ATP10B: variants seen among roughly 807,000 people sequenced by gnomAD.
ATP10B encodes ATPase phospholipid transporting 10B (putative), also known as phospholipid-transporting ATPase VB.
Under a neutral mutation model 141.2 loss-of-function variants are expected in ATP10B, and 122 were observed. The ratio of observed to expected loss-of-function variants is 0.86; its 90% CI spans 0.75 to 1.00. The LOEUF (loss-of-function observed/expected upper bound fraction) is 1.00, where lower values mean the gene tolerates loss of function less well. ATP10B is among the 50% of genes least tolerant of loss of function. ATP10B has a pLI of 0.00. For missense variants in ATP10B, 1,876 were observed against 1,825.3 expected (o/e 1.03, Z -0.51); for synonymous variants, 685 against 692.0 (o/e 0.99, Z 0.16).
chr5:160,634,687 A>G lies in ATP10B; in HGVS notation c.1129-81T>C, dbSNP rs1166818922. ...ATCCTCACTAGCAGGTAGCAAAGGC[A>G]TTTCATAGAAAGTTGAGGTCAGCTC... On this transcript the variant is annotated intron_variant, in intron 11 of 25. Transcript: ENST00000327245. 3 of 1,466,442 alleles carry G rather than the reference A, an allele frequency of 2.0e-6. No individual in the cohort carries two copies. The African/African-American group carries it at 4.2e-5, about 21-fold the overall frequency. The allele number at this position is 1,466,442 out of a possible 1,614,324, so 90.8% of individuals were successfully genotyped here. A position where few individuals can be genotyped will look rare whatever the true frequency, so the allele number is the denominator to read the frequency against.
chr5:160,792,719 A>C lies in ATP10B; in HGVS notation c.-575-6916T>G, dbSNP rs542059800. ...CACCTTTGGATGTGAGGATACACAC[A>C]CTCTCTCTTCTAAGCTGCTTACTTA... On this transcript the variant is annotated intron_variant, in intron 1 of 25. Transcript: ENST00000327245. 7.2e-5 allele frequency among the ~76,000 whole-genome samples: 11 copies of C among 151,974 alleles called. No individual in the cohort carries two copies. The East Asian group carries it at 1.9e-3, about 27-fold the overall frequency.
chr5:160,823,378 G>T (rs12653249), intron 1 of ATP10B, among the ~76,000 whole-genome samples: 50,365 of 151,538 alleles, frequency 0.33, 9,527 homozygotes, highest in East Asian at 0.44. Context: ...ACACACTGGG[G>T]CCTGTCAGGG....
At chr5:160,607,161 T>C (rs1757442241) in intron 18 of ATP10B, 75 bp from the exon 19 acceptor site, 4 of 1,257,240 alleles carry the variant, frequency 3.2e-6, no homozygotes, top group Non-Finnish European at 4.5e-6. Context: ...GTTTATTCTT[T>C]AGTAAGATAG....
the ATP10B span, among the ~76,000 whole-genome samples, chr5:160,873,536 T>C: frequency 9.2e-5 from 14 of 152,334 alleles, no homozygotes; most frequent in African/African-American, 2.4e-4. Flanking sequence ...AGGAGCCAAG[T>C]TGGCCGAATA....
At chr5:160,765,983 T>C (rs1470615669) in intron 2 of ATP10B, among the ~76,000 whole-genome samples, 1 of 151,722 alleles carries the variant, frequency 6.6e-6, no homozygotes, top group South Asian at 2.1e-4. Context: ...ATCAGGAAAA[T>C]GCAAATCAAA....
At chr5:160,850,290 G>A (rs925202320) in intron 1 of ATP10B, among the ~76,000 whole-genome samples, 1 of 152,068 alleles carries the variant, frequency 6.6e-6, no homozygotes, top group African/African-American at 2.4e-5. Flanking sequence ...CAGGCATGGT[G>A]GTGCATGCCT....
chr5:160,830,991 A>ACACACACACACACT (rs138245065), intron 1 of ATP10B, among the ~76,000 whole-genome samples: 15 of 150,788 alleles, frequency 9.9e-5, no homozygotes, highest in African/African-American at 3.6e-4. Flanking sequence ...ACACACACAC[A>ACACACACACACACT]CACACACAGA....
At chr5:160,651,987 A>G (rs1760772321) in intron 7 of ATP10B, among the ~76,000 whole-genome samples, 1 of 152,132 alleles carries the variant, frequency 6.6e-6, no homozygotes, top group Non-Finnish European at 1.5e-5. Context: ...CATTTCAGAT[A>G]TGACTGGCAG....
chr5:160,841,627 CAT>C (rs1338395142), intron 1 of ATP10B, among the ~76,000 whole-genome samples: 11 of 152,106 alleles, frequency 7.2e-5, no homozygotes, highest in African/African-American at 2.7e-4. Context: ...AAATAAATAA[CAT>C]AACCTCACTA....
chr5:160,884,675 G>C, the ATP10B span, among the ~76,000 whole-genome samples: 1 of 151,926 alleles, frequency 6.6e-6, no homozygotes, highest in Non-Finnish European at 1.5e-5. Context: ...TATGGCAATT[G>C]ATATAAGTAT....
At chr5:160,911,449 G>A in the ATP10B span, among the ~76,000 whole-genome samples, 1 of 152,188 alleles carries the variant, frequency 6.6e-6, no homozygotes, top group Non-Finnish European at 1.5e-5. Flanking sequence ...AGAGGCTTCC[G>A]TTCACCAAAT....
At chr5:160,867,359 A>G in the ATP10B span, among the ~76,000 whole-genome samples, 110 of 152,182 alleles carry the variant, frequency 7.2e-4, 4 homozygotes, top group East Asian at 0.021. Flanking sequence ...TTACTTACCT[A>G]GCTATAGCAC....
chr5:160,637,017 T>TATCCATCCATCCATTCATGA (rs1759440714), intron 10 of ATP10B, among the ~76,000 whole-genome samples: 2 of 62,096 alleles, frequency 3.2e-5, no homozygotes, highest in Non-Finnish European at 3.2e-5. Context: ...TCCATCCATC[T>TATCCATCCATCCATTCATGA]ATCCATCCAT....
chr5:160,870,870 AG>A, the ATP10B span, among the ~76,000 whole-genome samples: 1 of 144,614 alleles, frequency 6.9e-6, no homozygotes, highest in South Asian at 2.2e-4. Context: ...TATAGAATGA[AG>A]CAAAGAATTA....
At chr5:160,888,671 A>C in the ATP10B span, among the ~76,000 whole-genome samples, 1 of 152,190 alleles carries the variant, frequency 6.6e-6, no homozygotes, top group Non-Finnish European at 1.5e-5. Flanking sequence ...TCCCTTCTGC[A>C]ATTGGCTCTG....
chr5:160,747,998 A>G (rs1484165446), intron 2 of ATP10B, among the ~76,000 whole-genome samples: 95 of 30,844 alleles, frequency 3.1e-3, no homozygotes, highest in African/African-American at 0.013. Flanking sequence ...TGAGAGAGAA[A>G]AAAAAAAAAA....
At chr5:160,659,013 C>G (rs182257432) in intron 7 of ATP10B, among the ~76,000 whole-genome samples, 1 of 152,236 alleles carries the variant, frequency 6.6e-6, no homozygotes, top group Admixed American at 6.5e-5. Flanking sequence ...CCCACATTGA[C>G]CTTAAATACC....
chr5:160,879,922 C>A, the ATP10B span, among the ~76,000 whole-genome samples: 3 of 152,014 alleles, frequency 2.0e-5, no homozygotes, highest in Non-Finnish European at 4.4e-5. Flanking sequence ...AGTTAACATA[C>A]AAATGCCAAT....
At chr5:160,874,547 G>A in the ATP10B span, among the ~76,000 whole-genome samples, 4 of 152,052 alleles carry the variant, frequency 2.6e-5, no homozygotes, top group Non-Finnish European at 2.9e-5. Flanking sequence ...TGACTTTGAC[G>A]AGCTGAGAGA....
Sources: allele counts gnomAD v4.1 joint callset (sites outside exome capture counted in the v4.1 genomes callset), GRCh38; gene constraint gnomAD v4.1.1; transcripts MANE v1.5; gene names NCBI Gene and HGNC (gene_info 2026-07-23, HGNC 2026-07-21).